The following MACF1 variants were observed in gnomAD, a reference collection of about 807,000 sequenced individuals.
The protein encoded by MACF1 is microtubule-actin cross-linking factor 1.
A neutral mutation model predicts 854.8 loss-of-function variants in MACF1; 193 were observed. That is an observed-to-expected ratio of 0.23 (90% CI 0.20 to 0.25). The LOEUF (loss-of-function observed/expected upper bound fraction) is 0.25, where lower values mean the gene tolerates loss of function less well. MACF1 is among the 10% of genes least tolerant of loss of function. The pLI is 1.00. For missense variants in MACF1, 7,722 were observed against 8,929.1 expected, an observed-to-expected ratio of 0.86 and a Z score of 5.45; for synonymous variants, 3,185 against 3,226.7, an observed-to-expected ratio of 0.99 and a Z score of 0.44.
intron 58 of MACF1, among the ~76,000 whole-genome samples, chr1:39,415,620 C>T (rs1257665063): frequency 6.6e-6 from 1 of 151,844 alleles, no homozygotes; most frequent in African/African-American, 2.4e-5. Context: ...CTCGGCCTCC[C>T]AGAGTGCTGG....
intron 38 of MACF1, among the ~76,000 whole-genome samples, chr1:39,339,747 T>C (rs1646894632): frequency 6.6e-6 from 1 of 152,002 alleles, no homozygotes; most frequent in Non-Finnish European, 1.5e-5. Context: ...ATAGAACCAG[T>C]CCCCTAAAAA....
chr1:39,447,849 C>T lies in MACF1; in HGVS notation c.19919C>T (p.Ser6640Phe). The change falls in exon 82 of 101, where the codon TCT becomes TTT. Residue 6640 changes from serine to phenylalanine, a missense_variant. Physicochemically the swap from Ser to Phe is radical, Grantham distance 155. Coordinates refer to ENST00000564288, the MANE Select transcript of MACF1 (RefSeq NM_001394062.1). ...CGATGGGAGAAGGTTGTCCAGCGATCTATTGAAAGAGGGCGATCACTAGAT... is the reference window on the plus strand; with the variant it reads ...CGATGGGAGAAGGTTGTCCAGCGATTTATTGAAAGAGGGCGATCACTAGAT... ...QSRWEKVVQR[S>F]IERGRSLDDA... 3 of 1,613,614 alleles carry T rather than the reference C, an allele frequency of 1.9e-6. No homozygotes were observed. Among genetic ancestry groups the T allele is most frequent in the Non-Finnish European group, 2.5e-6 (3 of 1,179,838 alleles).
At chr1:39,390,175 G>T (rs901869116) in intron 58 of MACF1, among the ~76,000 whole-genome samples, 1 of 152,186 alleles carries the variant, frequency 6.6e-6, no homozygotes, top group Non-Finnish European at 1.5e-5. Flanking sequence ...ATTTGGAAAG[G>T]ATACTTTCAG....
intron 1 of MACF1, among the ~76,000 whole-genome samples, chr1:39,215,654 G>T (rs543728842): frequency 3.9e-5 from 6 of 152,228 alleles, no homozygotes; most frequent in East Asian, 1.9e-4. Flanking sequence ...TTTGGGTGTA[G>T]AACTTTTTTT....
chr1:39,484,846 C>G (rs1383660840), intron 100 of MACF1, 116 bp downstream of exon 100: 1 of 1,184,404 alleles, frequency 8.4e-7, no homozygotes, highest in African/African-American at 1.5e-5. Flanking sequence ...TAGTGTGATG[C>G]CCAGAAAGAC....
At chr1:39,345,527 C>T (rs1647025274) in intron 40 of MACF1, among the ~76,000 whole-genome samples, 1 of 152,152 alleles carries the variant, frequency 6.6e-6, no homozygotes, top group Non-Finnish European at 1.5e-5. Context: ...GAGAGGATTG[C>T]TTGAGCCCAG....
In MACF1 at chr1:39,468,655, G is replaced by A. The variant is rs1357991791; in HGVS notation, c.21812G>A (p.Arg7271His). Residue 7271 changes from arginine (R) to histidine (H), a missense_variant, in exon 96 of 101, where the codon CGC (arginine) becomes CAC (histidine). Around this residue, in one of 15 missense-constraint regions of MACF1, gnomAD observed 153 missense variants for 342.5 expected, o/e 0.45. Coordinates refer to ENST00000564288, the MANE Select transcript of MACF1 (RefSeq NM_001394062.1). ...CAGTTGCGGCTGGTCCGTATTCTGC[G>A]CAGCACCGTGATGGTTCGCGTTGGT... ...SQQLRLVRIL[R>H]STVMVRVGGG... 1.9e-6 allele frequency: 3 copies of A among 1,614,134 alleles called. No individual in the cohort carries two copies. The highest frequency in any genetic ancestry group is 2.5e-6 in the Non-Finnish European group (3 of 1,180,026).
rs1646794055 is a variant in MACF1, at chr1:39,335,389, AAAT to A, written c.8804_8806del (p.Ile2935del). ...TCTACCTCATGTCTAGATTCTGAAGAAATAAGAGAAAATCAAGGGGAAGTGATT... is the reference window on the plus strand; with the variant it reads ...TCTACCTCATGTCTAGATTCTGAAGAAAGAGAAAATCAAGGGGAAGTGATT... On this transcript the variant is annotated inframe_deletion, in exon 37 of 101. Coordinates refer to ENST00000564288, the MANE Select transcript of MACF1 (RefSeq NM_001394062.1). The A allele has an allele frequency of 1.9e-6, 3 of 1,614,152 alleles. No individual in the cohort carries two copies. Among genetic ancestry groups the A allele is most frequent in the Non-Finnish European group, 2.5e-6 (3 of 1,180,020 alleles).
At chr1:39,250,216 G>A in intron 3 of MACF1, 113 bp downstream of exon 3, 1 of 590,132 alleles carries the variant, frequency 1.7e-6, no homozygotes, top group Non-Finnish European at 3.0e-6. Flanking sequence ...TTAGAGGGGA[G>A]GAAGAAGTAG....
Position 39,395,818 on chromosome 1 carries a change from T to G in MACF1, c.15816+7160T>G, listed in dbSNP as rs1056117802. ...AAGGAGCCTTTAAGGCCTTTAAGTT[T>G]GCTTCATGTTGAACCTTTTCCAGCT... On this transcript the variant is annotated intron_variant, in intron 58 of 100. Coordinates refer to ENST00000564288, the MANE Select transcript of MACF1 (RefSeq NM_001394062.1). 3.3e-5 allele frequency among the ~76,000 whole-genome samples: 5 copies of G among 152,176 alleles called. No homozygotes were observed. The East Asian group carries it at 9.6e-4, about 29-fold the overall frequency.
chr1:39,242,891 C>T (rs1644942201), intron 2 of MACF1, among the ~76,000 whole-genome samples: 1 of 152,142 alleles, frequency 6.6e-6, no homozygotes, highest in South Asian at 2.1e-4. Flanking sequence ...CCCCGCAACC[C>T]CTGTCTCTAT....
intron 2 of MACF1, among the ~76,000 whole-genome samples, chr1:39,150,904 C>G (rs1372166599): frequency 6.6e-6 from 1 of 152,032 alleles, no homozygotes; most frequent in African/African-American, 2.4e-5. Context: ...GGATTTTGTC[C>G]TTGGCACTCT....
chr1:39,479,997 C>T lies in MACF1; in HGVS notation c.22158C>T (p.Ala7386=), dbSNP rs1447677224. The T allele has an allele frequency of 1.2e-6, 2 of 1,614,186 alleles. No individual in the cohort carries two copies. The highest frequency in any genetic ancestry group is 2.2e-5 in the South Asian group (2 of 91,088). Residue 7386 remains alanine (A), a synonymous_variant, in exon 98 of 101, where the codon GCC becomes GCT. Transcript: ENST00000564288. ...TGCCATCTTCTCCAGCCACCCCAGC[C>T]AGTGGAACCAAGGTATGTACTGATC... ...TSMPSSPATP[A]SGTKTSLQFS... is the part of the protein sequence containing the mutation.
intron 97 of MACF1, among the ~76,000 whole-genome samples, chr1:39,477,959 CTT>C (rs1272562353): frequency 9.5e-5 from 12 of 125,964 alleles, no homozygotes; most frequent in Non-Finnish European, 1.2e-4. Flanking sequence ...CCTCTTATAT[CTT>C]TTTTTTTTTT....
intron 68 of MACF1, among the ~76,000 whole-genome samples, 167 bp from the exon 69 acceptor site, chr1:39,434,247 A>G (rs972186918): frequency 6.6e-6 from 1 of 152,090 alleles, no homozygotes; most frequent in African/African-American, 2.4e-5. Flanking sequence ...AAAATTTCAG[A>G]TAAGTATGAA....
intron 2 of MACF1, among the ~76,000 whole-genome samples, chr1:39,195,348 T>C (rs534638276): frequency 1.3e-5 from 2 of 152,330 alleles, no homozygotes; most frequent in East Asian, 3.9e-4. Flanking sequence ...CCCGCCCCCA[T>C]TCTTGCTCTT....
At chr1:39,477,999 A>ATTTTTTTTTT (rs36028217) in intron 97 of MACF1, among the ~76,000 whole-genome samples, 3 of 101,858 alleles carry the variant, frequency 2.9e-5, no homozygotes, top group African/African-American at 1.1e-4. Context: ...TCAGAAGTGA[A>ATTTTTTTTTT]TTTTTTTTTT....
chr1:39,340,513 G>A lies in MACF1; in HGVS notation c.10227G>A (p.Arg3409=), dbSNP rs1456543085. 6.2e-7 allele frequency: 1 copy of A among 1,612,316 alleles called. No individual in the cohort carries two copies. Among genetic ancestry groups the A allele is most frequent in the Non-Finnish European group, 8.5e-7 (1 of 1,179,382 alleles). Reference sequence around the variant, plus strand: ...CTTTATTCCCTCAGGTATTAGAAAGGGAGTTAAAGGATCTGACCACCTTGG... The same window carrying A: ...CTTTATTCCCTCAGGTATTAGAAAGAGAGTTAAAGGATCTGACCACCTTGG... ...DLLCQAKVLE[R]ELKDLTTLVS... The change falls in exon 39 of 101, where the codon AGG becomes AGA. Residue 3409 remains arginine, a synonymous_variant. Transcript: ENST00000564288.
intron 58 of MACF1, among the ~76,000 whole-genome samples, chr1:39,416,953 AG>A (rs1643337806): frequency 6.6e-6 from 1 of 152,258 alleles, no homozygotes; most frequent in Non-Finnish European, 1.5e-5. Flanking sequence ...ATGAGTATAC[AG>A]GTTTGCTAAA....
Sources: allele counts gnomAD v4.1 joint callset (sites outside exome capture counted in the v4.1 genomes callset), GRCh38; gene constraint gnomAD v4.1.1; regional missense constraint gnomAD v4.1.1; transcripts MANE v1.5; gene names NCBI Gene and HGNC (gene_info 2026-07-23, HGNC 2026-07-21).